SYNE1: variants seen among roughly 807,000 people sequenced by gnomAD.
SYNE1 encodes the protein spectrin repeat containing nuclear envelope protein 1.
Under a neutral mutation model 1,111.0 loss-of-function variants are expected in SYNE1, and 616 were observed. The observed-to-expected ratio is 0.55, with a 90% CI of 0.52 to 0.59. SYNE1 has a LOEUF of 0.59. Among genes scored for constraint, SYNE1 ranks in the 20% least tolerant of loss-of-function variants. The pLI is 0.00. For synonymous variants in SYNE1, 3,855 were observed against 3,825.8 expected (o/e 1.01, Z -0.28); for missense variants, 10,006 against 10,417.0 (o/e 0.96, Z 1.72).
At chr6:152,605,033 A>AGGGAGGGAGG (rs1284002995) in intron 3 of SYNE1, among the ~76,000 whole-genome samples, 2 of 25,434 alleles carry the variant, frequency 7.9e-5, no homozygotes, top group African/African-American at 2.0e-4. Flanking sequence ...AGAGAGAGAG[A>AGGGAGGGAGG]GAGGGAGGGA....
chr6:152,181,138 G>A (rs112647537), intron 128 of SYNE1, among the ~76,000 whole-genome samples: 4,793 of 150,114 alleles, frequency 0.032, 246 homozygotes, highest in African/African-American at 0.11. Flanking sequence ...TAACACTTTG[G>A]GAGGCCAAGG....
In SYNE1 at chr6:152,504,942, A is replaced by G. The variant is rs9397519; in HGVS notation, c.778+259T>C. On this transcript the variant is annotated intron_variant, in intron 9 of 145. Transcript: ENST00000367255. Reference sequence around the variant, plus strand: ...CTTCTAAAACTTTCATTCCACCCTTAAGTATATTAAGTCCAGTTCACCCGA... The same window carrying G: ...CTTCTAAAACTTTCATTCCACCCTTGAGTATATTAAGTCCAGTTCACCCGA... Among the ~76,000 whole-genome samples the G allele has an allele frequency of 0.2, 29,951 of 152,006 alleles. 3,570 individuals carry two copies. The highest frequency in any genetic ancestry group is 0.46 in the East Asian group (2,358 of 5,146).
chr6:152,125,689 T>G (rs2053157771), intron 145 of SYNE1: 1 of 195,504 alleles, frequency 5.1e-6, no homozygotes, highest in Non-Finnish European at 1.0e-5. Flanking sequence ...AATACCTGAC[T>G]AATTTTCATT....
Position 152,449,761 on chromosome 6 carries a change from A to G in SYNE1, c.3396-120T>C. 5 of 830,968 alleles carry G rather than the reference A, an allele frequency of 6.0e-6. No homozygotes were observed. In the South Asian group the frequency reaches 7.6e-5, roughly 13 times the overall value. 51.5% of individuals were successfully genotyped at this position (830,968 alleles called of 1,614,324 possible). On this transcript the variant is annotated intron_variant, in intron 27 of 145. Transcript: ENST00000367255. ...AATTAAGTGATTACCAAATTGATTA[A>G]TAACTTTTCTGGAAACTATTCTTTT... is the stretch of plus-strand genomic sequence containing the variant.
intron 138 of SYNE1, 101 bp from the exon 139 acceptor site, chr6:152,141,430 T>C: frequency 6.6e-7 from 1 of 1,520,708 alleles, no homozygotes; most frequent in Non-Finnish European, 9.0e-7. Context: ...GAGAAGTGTC[T>C]GTGTTTGGCT....
rs1399972833 is a variant in SYNE1, at chr6:152,505,060, G to T, written c.778+141C>A. 11 of 903,214 alleles carry T rather than the reference G, an allele frequency of 1.2e-5. No homozygotes were observed. In the East Asian group the frequency reaches 2.9e-4, roughly 24 times the overall value. The allele number at this position is 903,214 out of a possible 1,614,324, so 55.9% of individuals were successfully genotyped here. ...GATATTTATCCAGAAGAAAATTGAT[G>T]CAGGAAAATACCATTACTTGCCACT... On this transcript the variant is annotated intron_variant, in intron 9 of 145. Transcript: ENST00000367255.
At chr6:152,567,831 T>C (rs2099419316) in intron 3 of SYNE1, among the ~76,000 whole-genome samples, 1 of 152,146 alleles carries the variant, frequency 6.6e-6, no homozygotes. Flanking sequence ...ACATTGCTTG[T>C]CCTATCAAAT....
chr6:152,414,566 C>T (rs2098123605), intron 41 of SYNE1, among the ~76,000 whole-genome samples: 2 of 151,398 alleles, frequency 1.3e-5, no homozygotes, highest in African/African-American at 4.9e-5. Flanking sequence ...TTATCCCCAC[C>T]TTACAAGAAG....
In SYNE1 at chr6:152,409,109, C is replaced by T. The variant is rs1453064506; in HGVS notation, c.6499G>A (p.Val2167Met). 6.2e-7 allele frequency: 1 copy of T among 1,614,190 alleles called. No homozygotes were observed. The highest frequency in any genetic ancestry group is 2.2e-5 in the East Asian group (1 of 44,884). ...KKIHSSDFSL[V>M]KTDMESTVDK... ...ACGGTGCTCTCCATGTCTGTTTTCA[C>T]CAAGCTGAAATCACTACTGTGAATT... The change falls in exon 44 of 146, where the codon GTG (valine) becomes ATG (methionine). Residue 2167 changes from valine (V) to methionine (M), a missense_variant. Physicochemically the swap from Val to Met is conservative, Grantham distance 21. Transcript: ENST00000367255.
At position 152,253,460 on chromosome 6, in the gene SYNE1, G is replaced by A. The variant is rs533695614; in HGVS notation, c.19470+1420C>T. ...TATGAGGCAGTTAATATGAGTATGAGTTTGATTTGACAGTTGAGGATACCA... is the reference window on the plus strand; with the variant it reads ...TATGAGGCAGTTAATATGAGTATGAATTTGATTTGACAGTTGAGGATACCA... On this transcript the variant is annotated intron_variant, in intron 104 of 145. Transcript: ENST00000367255. 5.3e-5 allele frequency among the ~76,000 whole-genome samples: 8 copies of A among 152,238 alleles called. No individual in the cohort carries two copies. In the South Asian group the frequency reaches 1.5e-3, roughly 28 times the overall value.
At chr6:152,465,760 A>AACACACACACACACACACACAC (rs113781129) in intron 17 of SYNE1, among the ~76,000 whole-genome samples, 59 of 133,312 alleles carry the variant, frequency 4.4e-4, no homozygotes, top group African/African-American at 1.6e-3. Flanking sequence ...CTCTTAGAAG[A>AACACACACACACACACACACAC]ACACATACAC....
chr6:152,359,045 T>C (rs1438959083), intron 65 of SYNE1, among the ~76,000 whole-genome samples: 2 of 152,244 alleles, frequency 1.3e-5, no homozygotes, highest in Non-Finnish European at 2.9e-5. Context: ...TTATGAGTCT[T>C]CAATTGAAGG....
chr6:152,277,444 ATT>A (rs773367369), intron 98 of SYNE1: 13 of 135,988 alleles, frequency 9.6e-5, no homozygotes, highest in Admixed American at 1.5e-4. Flanking sequence ...GGCCCAGCTA[ATT>A]TTTTTTTTTT....
intron 2 of SYNE1, among the ~76,000 whole-genome samples, chr6:152,628,836 A>T (rs1263176194): frequency 6.6e-6 from 1 of 152,186 alleles, no homozygotes; most frequent in Non-Finnish European, 1.5e-5. Context: ...TAAACTATCA[A>T]CTTTTTCCAT....
chr6:152,157,697 CTATT>C (rs2061644186), intron 131 of SYNE1, among the ~76,000 whole-genome samples: 2 of 151,778 alleles, frequency 1.3e-5, no homozygotes, highest in South Asian at 4.2e-4. Context: ...TGTAGAAAGA[CTATT>C]TAAGGGACCT....
At chr6:152,291,521 G>C (rs991497779) in intron 95 of SYNE1, among the ~76,000 whole-genome samples, 1 of 152,106 alleles carries the variant, frequency 6.6e-6, no homozygotes, top group Non-Finnish European at 1.5e-5. Flanking sequence ...TAAATCCCTT[G>C]AACAGAATCA....
intron 10 of SYNE1, among the ~76,000 whole-genome samples, chr6:152,500,808 G>A (rs901298323): frequency 9.2e-5 from 14 of 151,788 alleles, no homozygotes; most frequent in South Asian, 4.2e-4. Context: ...AAAATTAGCC[G>A]GGCGTGGTGG....
intron 132 of SYNE1, 133 bp downstream of exon 132, chr6:152,155,777 G>A: frequency 9.6e-7 from 1 of 1,044,734 alleles, no homozygotes; most frequent in Admixed American, 2.0e-5. Flanking sequence ...GTAGACAATA[G>A]TAAGTTTGGG....
chr6:152,349,730 C>T (rs1466893128), intron 72 of SYNE1, among the ~76,000 whole-genome samples: 3 of 152,154 alleles, frequency 2.0e-5, no homozygotes, highest in Non-Finnish European at 2.9e-5. Flanking sequence ...TGAATTCCTA[C>T]GTGTTGTAGA....
Sources: gnomAD v4.1 joint callset for allele counts (sites outside exome capture counted in the v4.1 genomes callset) on GRCh38, gnomAD v4.1.1 for gene constraint, MANE v1.5 for transcripts, NCBI Gene and HGNC (gene_info 2026-07-23, HGNC 2026-07-21) for gene names.